The following PTPRN2 variants were observed in gnomAD, a reference collection of about 807,000 sequenced individuals.
PTPRN2 encodes protein tyrosine phosphatase receptor type N2.
PTPRN2 carries 74 observed loss-of-function variants against 118.8 expected under a neutral mutation model. The ratio of observed to expected loss-of-function variants is 0.62; its 90% CI spans 0.52 to 0.76. PTPRN2 has a LOEUF of 0.76. Among genes scored for constraint, PTPRN2 ranks in the 30% least tolerant of loss-of-function variants. The probability of loss-of-function intolerance (pLI) is 0.00; values close to 1 mark genes in which losing one functional copy is unlikely to be tolerated. For missense variants in PTPRN2, 1,481 were observed against 1,394.4 expected (o/e 1.06, Z -0.99); for synonymous variants, 641 against 608.0 (o/e 1.05, Z -0.80).
chr7:157,725,104 G>A (rs113693282), intron 12 of PTPRN2, among the ~76,000 whole-genome samples: 1,548 of 152,358 alleles, frequency 0.01, 13 homozygotes, highest in Admixed American at 0.013. Context: ...GGGAAAGGAC[G>A]GTTTCCTCAA....
At chr7:157,982,254 C>A in intron 11 of PTPRN2, among the ~76,000 whole-genome samples, 1 of 126,878 alleles carries the variant, frequency 7.9e-6, no homozygotes, top group Non-Finnish European at 1.6e-5. Context: ...TCCCCCCAAA[C>A]CCCGAGTCAT....
chr7:158,110,696 C>A, intron 10 of PTPRN2, 133 bp downstream of exon 10: 1 of 814,194 alleles, frequency 1.2e-6, no homozygotes. Flanking sequence ...CTGCTGAAAT[C>A]ACCTTTCACT....
intron 14 of PTPRN2, among the ~76,000 whole-genome samples, chr7:157,621,914 T>C (rs554843926): frequency 1.3e-5 from 2 of 152,132 alleles, no homozygotes; most frequent in East Asian, 1.9e-4. Context: ...ACCCACTGGG[T>C]GTGATGCAGT....
intron 5 of PTPRN2, among the ~76,000 whole-genome samples, chr7:158,167,996 TTTCA>T (rs1313671550): frequency 6.6e-6 from 1 of 152,200 alleles, no homozygotes. Flanking sequence ...ATCAATGTGT[TTTCA>T]ATTCTCTTGG....
At chr7:157,938,695 G>A (rs149254118) in intron 11 of PTPRN2, among the ~76,000 whole-genome samples, 1 of 152,346 alleles carries the variant, frequency 6.6e-6, no homozygotes, top group South Asian at 2.1e-4. Flanking sequence ...ATTTGAGGAA[G>A]CTCTTTTCCA....
intron 11 of PTPRN2, among the ~76,000 whole-genome samples, chr7:157,951,085 T>TACTC (rs1219235133): frequency 6.6e-6 from 1 of 152,126 alleles, no homozygotes; most frequent in Non-Finnish European, 1.5e-5. Context: ...TGAGAGCACG[T>TACTC]ACTCCTGGCA....
At position 158,546,918 on chromosome 7, in the gene PTPRN2, C is replaced by T. The variant is rs1219761837; in HGVS notation, c.112+40640G>A. 6.6e-6 allele frequency among the ~76,000 whole-genome samples: 1 copy of T among 152,156 alleles called. No individual in the cohort carries two copies. Among genetic ancestry groups the T allele is most frequent in the African/African-American group, 2.4e-5 (1 of 41,448 alleles). The stretch of plus-strand genomic sequence containing the variant: ...GGCAGCCTGGGCACCTGGGGCAGGG[C>T]TGGGGGACAGCCCAGCCATCTTCAG... On this transcript the variant is annotated intron_variant, in intron 1 of 22. Coordinates refer to ENST00000389418, the MANE Select transcript of PTPRN2 (RefSeq NM_002847.5). This position sits in a 1 kb window ranked among gnomAD's most constrained non-coding sequence, Gnocchi z 5.0.
chr7:157,969,056 G>GTACTGCACATGTCAGA (rs1802134850), intron 11 of PTPRN2, among the ~76,000 whole-genome samples: 1 of 152,032 alleles, frequency 6.6e-6, no homozygotes, highest in Non-Finnish European at 1.5e-5. Flanking sequence ...ATGAGAGTCT[G>GTACTGCACATGTCAGA]TACTGCACAT....
At chr7:158,018,966 CAAAA>C (rs753498681) in intron 11 of PTPRN2, among the ~76,000 whole-genome samples, 16 of 65,844 alleles carry the variant, frequency 2.4e-4, no homozygotes, top group South Asian at 1.3e-3. Flanking sequence ...GTTTCAAAAA[CAAAA>C]AAAAAAAAAA....
chr7:158,021,253 G>C (rs1036297072), intron 11 of PTPRN2, among the ~76,000 whole-genome samples: 1 of 152,134 alleles, frequency 6.6e-6, no homozygotes, highest in Non-Finnish European at 1.5e-5. Context: ...GCAGGTATTA[G>C]GAAAGAATTG....
At chr7:158,111,395 G>C (rs1333483926) in intron 9 of PTPRN2, among the ~76,000 whole-genome samples, 4 of 152,182 alleles carry the variant, frequency 2.6e-5, no homozygotes, top group Non-Finnish European at 5.9e-5. Flanking sequence ...AGGGGGCGGG[G>C]GCACTCCCGG....
rs569899319 is a variant in PTPRN2, at chr7:157,953,267, G to A, written c.1724-54530C>T. Among the ~76,000 whole-genome samples, 14 of 152,322 alleles carry A rather than the reference G, an allele frequency of 9.2e-5. No homozygotes were observed. Among genetic ancestry groups the A allele is most frequent in the Middle Eastern group, 3.4e-3 (1 of 294 alleles). The stretch of plus-strand genomic sequence containing the variant: ...AGCTTTCGGGAAGGACAGGAGAGCC[G>A]GGTGTGAGAAGCCTCCTTCCTAGGG... On this transcript the variant is annotated intron_variant, in intron 11 of 22. Coordinates refer to ENST00000389418, the MANE Select transcript of PTPRN2 (RefSeq NM_002847.5). This position sits in a 1 kb window ranked among gnomAD's most constrained non-coding sequence, Gnocchi z 4.6.
chr7:157,905,003 G>A (rs1026323914), intron 11 of PTPRN2, among the ~76,000 whole-genome samples: 12 of 152,120 alleles, frequency 7.9e-5, no homozygotes, highest in African/African-American at 2.7e-4. Flanking sequence ...TTGATGCTCC[G>A]CCGGATTTCT....
At chr7:157,580,175 T>A (rs537664063) in intron 17 of PTPRN2, among the ~76,000 whole-genome samples, 1 of 152,170 alleles carries the variant, frequency 6.6e-6, no homozygotes, top group Non-Finnish European at 1.5e-5. Context: ...GAATGTGACC[T>A]CATTTGGATA....
chr7:157,691,154 G>A (rs1797479161), intron 12 of PTPRN2, among the ~76,000 whole-genome samples: 1 of 145,906 alleles, frequency 6.9e-6, no homozygotes, highest in African/African-American at 2.5e-5. Context: ...GACTATGAAT[G>A]GACATCAGCT....
At chr7:158,557,658 G>A (rs1206440086) in intron 1 of PTPRN2, among the ~76,000 whole-genome samples, 1 of 152,192 alleles carries the variant, frequency 6.6e-6, no homozygotes, top group Non-Finnish European at 1.5e-5. Context: ...GTATTTCTGG[G>A]CTCACACCTT....
intron 12 of PTPRN2, among the ~76,000 whole-genome samples, chr7:157,688,264 G>A (rs972203621): frequency 1.3e-4 from 20 of 152,164 alleles, no homozygotes; most frequent in African/African-American, 4.8e-4. Flanking sequence ...TTGTCTATTT[G>A]CCATCTTTAA....
At chr7:157,863,737 C>T (rs56393181) in intron 12 of PTPRN2, 17,089 of 152,062 alleles carry the variant, frequency 0.11, 1,048 homozygotes, top group South Asian at 0.21. Context: ...GCTCTTATGG[C>T]GACCCTGACC....
At chr7:158,557,403 G>T (rs1827114361) in intron 1 of PTPRN2, among the ~76,000 whole-genome samples, 1 of 152,196 alleles carries the variant, frequency 6.6e-6, no homozygotes, top group Admixed American at 6.5e-5. Context: ...TCCCGCGCAG[G>T]TCAGGCAGCT....
Sources: gnomAD v4.1 joint callset for allele counts (sites outside exome capture counted in the v4.1 genomes callset) on GRCh38, gnomAD v4.1.1 for gene constraint, Gnocchi (gnomAD v3.1) non-coding constraint, MANE v1.5 for transcripts, NCBI Gene and HGNC (gene_info 2026-07-23, HGNC 2026-07-21) for gene names.